CLEC2A: variants seen among roughly 807,000 people sequenced by gnomAD.
CLEC2A encodes keratinocyte-associated C-type lectin.
Under a neutral mutation model 18.6 loss-of-function variants are expected in CLEC2A, and 19 were observed. That is an observed-to-expected ratio of 1.02 (90% CI 0.71 to 1.50). The LOEUF is 1.50. Ranked by LOEUF, CLEC2A falls within the 40% of genes most tolerant of loss-of-function variation. The pLI, the probability that CLEC2A is intolerant of heterozygous loss-of-function variation, is 0.00. For missense variants in CLEC2A, 190 were observed against 207.9 expected, an observed-to-expected ratio of 0.91 and a Z score of 0.53; for synonymous variants, 74 against 64.0, an observed-to-expected ratio of 1.16 and a Z score of -0.75.
the CLEC2A span, among the ~76,000 whole-genome samples, chr12:9,886,115 G>T: frequency 3.9e-5 from 6 of 152,160 alleles, no homozygotes; most frequent in South Asian, 1.2e-3. Context: ...CTATTGAGAA[G>T]AAATCAATGA....
chr12:9,915,020 A>C (rs761204097), intron 4 of CLEC2A, among the ~76,000 whole-genome samples: 21 of 151,310 alleles, frequency 1.4e-4, no homozygotes, highest in Non-Finnish European at 3.1e-4. Context: ...AAGAAAAAAA[A>C]CATCAAAAAG....
At chr12:9,881,445 C>T in the CLEC2A span, 4 of 572,928 alleles carry the variant, frequency 7.0e-6, no homozygotes, top group African/African-American at 3.7e-5. Flanking sequence ...TGGTTTTAGA[C>T]ATCTGTGTCT....
At chr12:9,895,157 C>T (rs753679166), downstream of CLEC2A, among the ~76,000 whole-genome samples, 7 of 152,152 alleles carry the variant, frequency 4.6e-5, no homozygotes, top group South Asian at 6.2e-4. Flanking sequence ...AAATCTTGGG[C>T]GACTGCCTCC....
chr12:9,878,785 C>T, the CLEC2A span, among the ~76,000 whole-genome samples: 3 of 152,242 alleles, frequency 2.0e-5, no homozygotes, highest in South Asian at 4.1e-4. Flanking sequence ...ACCTTTTATA[C>T]AGTGAGGAGG....
intron 1 of CLEC2A, among the ~76,000 whole-genome samples, chr12:9,931,827 G>T (rs1419744142): frequency 6.6e-6 from 1 of 151,982 alleles, no homozygotes. Context: ...TTATTTATTG[G>T]TTTGTTTATG....
downstream of CLEC2A, chr12:9,895,688 G>A (rs747631350): frequency 1.8e-4 from 279 of 1,524,976 alleles, no homozygotes; most frequent in Non-Finnish European, 2.4e-4. Context: ...TTGTCTCTTA[G>A]GTTTTCAGTG....
intron 2 of CLEC2A, among the ~76,000 whole-genome samples, chr12:9,925,083 T>A (rs964720801): frequency 1.3e-5 from 2 of 152,228 alleles, no homozygotes; most frequent in African/African-American, 4.8e-5. Flanking sequence ...TCATAATTTA[T>A]TACCCTTTGT....
At chr12:9,920,140 C>T (rs549885717) in intron 3 of CLEC2A, among the ~76,000 whole-genome samples, 1 of 152,302 alleles carries the variant, frequency 6.6e-6, no homozygotes, top group East Asian at 1.9e-4. Context: ...AACTCCAAGC[C>T]AGTGGGTCCT....
the CLEC2A span, among the ~76,000 whole-genome samples, chr12:9,886,563 G>A: frequency 6.6e-6 from 1 of 152,026 alleles, no homozygotes; most frequent in Non-Finnish European, 1.5e-5. Flanking sequence ...GAGAGTCAGA[G>A]GGTAAATGGA....
chr12:9,893,469 G>A, the CLEC2A span: 1 of 1,517,394 alleles, frequency 6.6e-7, no homozygotes, highest in Non-Finnish European at 8.8e-7. Context: ...CATTTTGGTT[G>A]GATTGGACTA....
chr12:9,920,194 G>C (rs1217112606), intron 3 of CLEC2A, among the ~76,000 whole-genome samples: 1 of 152,190 alleles, frequency 6.6e-6, no homozygotes. Flanking sequence ...GAATGTCGCT[G>C]CTCAGCCTCC....
At chr12:9,889,091 T>G in the CLEC2A span, among the ~76,000 whole-genome samples, 1 of 152,198 alleles carries the variant, frequency 6.6e-6, no homozygotes, top group South Asian at 2.1e-4. Flanking sequence ...AGGTGTGACA[T>G]GTAATGGCTG....
the CLEC2A span, chr12:9,888,838 C>T: frequency 1.9e-6 from 2 of 1,062,870 alleles, no homozygotes; most frequent in African/African-American, 3.1e-5. Context: ...GTTTTGGCTT[C>T]CCTCTTCCTG....
exon 5 of CLEC2A, chr12:9,898,938 C>T (rs558544832): frequency 9.8e-6 from 7 of 716,298 alleles, no homozygotes; most frequent in Admixed American, 8.0e-5. Flanking sequence ...AAGCCATTGT[C>T]GGAGGCTCCA....
chr12:9,928,096 G>A (rs1167191489), intron 1 of CLEC2A, among the ~76,000 whole-genome samples: 1 of 152,144 alleles, frequency 6.6e-6, no homozygotes, highest in Non-Finnish European at 1.5e-5. Context: ...GTGACCATGA[G>A]AATTAGTAAA....
At chr12:9,893,038 C>T in the CLEC2A span, 23 of 1,535,292 alleles carry the variant, frequency 1.5e-5, no homozygotes, top group African/African-American at 3.2e-4. Context: ...TACTTGTGCC[C>T]AAATGACTGG....
Position 9,902,736 on chromosome 12 carries a change from G to T in CLEC2A, c.411-3760C>A, listed in dbSNP as rs542051509. 2.0e-5 allele frequency among the ~76,000 whole-genome samples: 3 copies of T among 152,078 alleles called. No homozygotes were observed. The East Asian group carries it at 5.8e-4, about 29-fold the overall frequency. Reference sequence around the variant, plus strand: ...TTTCTCAGCAAGGCAATTTACTTCTGTAGAAAGGTGTTGCCTGCATCAGCC... The same window carrying T: ...TTTCTCAGCAAGGCAATTTACTTCTTTAGAAAGGTGTTGCCTGCATCAGCC... On this transcript the variant is annotated intron_variant, in intron 4 of 4. Transcript: ENST00000339766.
chr12:9,884,770 C>G, the CLEC2A span, among the ~76,000 whole-genome samples: 1 of 151,244 alleles, frequency 6.6e-6, no homozygotes, highest in African/African-American at 2.4e-5. Context: ...ATAGTAGTAT[C>G]TCCTTGGTTT....
At chr12:9,923,295 G>A (rs1863204382) in intron 2 of CLEC2A, among the ~76,000 whole-genome samples, 1 of 152,194 alleles carries the variant, frequency 6.6e-6, no homozygotes, top group South Asian at 2.1e-4. Flanking sequence ...TCTCAAAGAA[G>A]ACATTTACGC....
Sources: allele counts gnomAD v4.1 joint callset (sites outside exome capture counted in the v4.1 genomes callset), GRCh38; gene constraint gnomAD v4.1.1; transcripts MANE v1.5; gene names NCBI Gene and HGNC (gene_info 2026-07-23, HGNC 2026-07-21).